MED14: variants seen among roughly 807,000 people sequenced by gnomAD.
MED14 encodes the protein mediator complex subunit 14.
MED14 carries 8 observed loss-of-function variants against 109.0 expected under a neutral mutation model. That is an observed-to-expected ratio of 0.07 (90% CI 0.04 to 0.13). The LOEUF (loss-of-function observed/expected upper bound fraction) is 0.13. Ranked by LOEUF, MED14 falls within the 10% of genes least tolerant of loss-of-function variation. The pLI is 1.00. For synonymous variants in MED14, 399 were observed against 408.7 expected, an observed-to-expected ratio of 0.98 and a Z score of 0.29; for missense variants, 711 against 1,142.4, an observed-to-expected ratio of 0.62 and a Z score of 5.44.
At chrX:40,657,545 T>C (rs1267383630) in intron 28 of MED14, among the ~76,000 whole-genome samples, 4 of 111,530 alleles carry the variant, frequency 3.6e-5, no homozygotes, top group Non-Finnish European at 1.9e-5. Flanking sequence ...CACTGACCCC[T>C]TGATTTAGGA....
intron 14 of MED14, 152 bp downstream of exon 14, chrX:40,692,556 T>G: frequency 1.7e-6 from 1 of 577,925 alleles, no homozygotes. Flanking sequence ...AGAAGCATTT[T>G]CAAGAAAATG....
At chrX:40,717,890 G>T (rs1569296980) in intron 3 of MED14, among the ~76,000 whole-genome samples, 1 of 112,180 alleles carries the variant, frequency 8.9e-6, no homozygotes, top group South Asian at 3.7e-4. Context: ...CAGGCTGTCA[G>T]TGGCCAACTT....
intron 16 of MED14, among the ~76,000 whole-genome samples, chrX:40,684,815 C>A (rs993339906): frequency 6.2e-5 from 7 of 112,233 alleles, no homozygotes; most frequent in Admixed American, 2.8e-4. Context: ...AGCCTCTTTT[C>A]CCATTTATGC....
At position 40,664,356 on chromosome X, in the gene MED14, T is replaced by C. The variant is rs1237673943; in HGVS notation, c.3399A>G (p.Ser1133=). ...RMPGMSPANP[S]LHSPVPDASH... is the part of the protein sequence containing the mutation. ...AAGCATCTGGAACCGGAGAATGTAG[T>C]GAGGGGTTGGCTGGTGACATTCCAG... The change falls in exon 25 of 31, where the codon TCA becomes TCG. Residue 1133 remains serine (S), a synonymous_variant. Coordinates refer to ENST00000324817, the MANE Select transcript of MED14 (RefSeq NM_004229.4). 1.7e-6 allele frequency: 2 copies of C among 1,203,940 alleles called. No homozygotes were observed. Among genetic ancestry groups the C allele is most frequent in the African/African-American group, 3.5e-5 (2 of 56,606 alleles).
intron 10 of MED14, 90 bp from the exon 11 acceptor site, chrX:40,703,659 A>G: frequency 1.4e-6 from 1 of 733,612 alleles, no homozygotes; most frequent in South Asian, 3.7e-5. Context: ...CAAACCAACT[A>G]TTGAAGGATC....
chrX:40,675,127 A>G, intron 22 of MED14, 94 bp downstream of exon 22: 1 of 862,991 alleles, frequency 1.2e-6, no homozygotes, highest in Non-Finnish European at 1.6e-6. Flanking sequence ...AGGCCCACCA[A>G]GGACCTCCTT....
intron 1 of MED14, among the ~76,000 whole-genome samples, chrX:40,730,268 G>A (rs1602498491): frequency 8.9e-6 from 1 of 112,385 alleles, no homozygotes; most frequent in African/African-American, 3.2e-5. Context: ...GGTAGACGGT[G>A]AGATGGAAGT....
At chrX:40,717,277 A>G (rs1931559294) in intron 3 of MED14, among the ~76,000 whole-genome samples, 1 of 106,570 alleles carries the variant, frequency 9.4e-6, no homozygotes, top group Non-Finnish European at 2.0e-5. Flanking sequence ...ATATCAATTG[A>G]AAAAAAAAAG....
chrX:40,735,696 A>T (rs904871866), upstream of MED14: 4 of 463,472 alleles, frequency 8.6e-6, no homozygotes, highest in African/African-American at 9.4e-5. Flanking sequence ...GCTCAGAAGC[A>T]GCTTCGCCAG....
At chrX:40,693,735 A>C (rs1301374687) in intron 13 of MED14, among the ~76,000 whole-genome samples, 1 of 111,308 alleles carries the variant, frequency 9.0e-6, no homozygotes, top group Non-Finnish European at 1.9e-5. Flanking sequence ...TCATACTTGG[A>C]AACATGTAAA....
chrX:40,693,349 C>T (rs761502784), intron 13 of MED14, among the ~76,000 whole-genome samples: 1 of 111,219 alleles, frequency 9.0e-6, no homozygotes, highest in Non-Finnish European at 1.9e-5. Context: ...ATCATGGGGG[C>T]GGGTCTTTCC....
At chrX:40,667,342 C>T (rs1336861349) in intron 23 of MED14, among the ~76,000 whole-genome samples, 1 of 111,752 alleles carries the variant, frequency 8.9e-6, no homozygotes, top group Non-Finnish European at 1.9e-5. Context: ...TCAGAAAAGA[C>T]CTCTCTAAGG....
intron 23 of MED14, among the ~76,000 whole-genome samples, chrX:40,669,082 C>G (rs1929628496): frequency 8.9e-6 from 1 of 111,892 alleles, no homozygotes; most frequent in East Asian, 2.8e-4. Context: ...GACAAGTGAC[C>G]TAACTTCCCC....
intron 10 of MED14, among the ~76,000 whole-genome samples, chrX:40,707,142 T>C (rs12558979): frequency 0.087 from 9,617 of 110,175 alleles, 816 homozygotes; most frequent in African/African-American, 0.25. Context: ...GATAGATAGA[T>C]AGATAGATAG....
At chrX:40,707,107 G>GGATAGATAGATAGATA (rs544581828) in intron 10 of MED14, among the ~76,000 whole-genome samples, 9 of 101,326 alleles carry the variant, frequency 8.9e-5, no homozygotes, top group African/African-American at 1.5e-4. Context: ...ATACATAGAT[G>GGATAGATAGATAGATA]GATAGATAGA....
rs1928821744 is a variant in MED14 at position 40,650,400 on chromosome X, T to C, written c.*1406A>G. Reference sequence around the variant, plus strand: ...ACTAGAATTTGATAGTTGATAGTTATAGAAGCTCAATTAAATCATCTTGAA... The same window carrying C: ...ACTAGAATTTGATAGTTGATAGTTACAGAAGCTCAATTAAATCATCTTGAA... On this transcript the variant is annotated 3_prime_UTR_variant, in exon 31 of 31. Transcript: ENST00000324817. 3 of 752,947 alleles carry C rather than the reference T, an allele frequency of 4.0e-6. No individual in the cohort carries two copies. The highest frequency in any genetic ancestry group is 4.7e-6 in the Non-Finnish European group (3 of 637,753). The allele number at this position is 752,947 out of a possible 1,213,427, so 62.1% of individuals were successfully genotyped here. A position where few individuals can be genotyped will look rare whatever the true frequency, so the allele number is the denominator to read the frequency against.
At chrX:40,662,351 C>T (rs1929314848) in intron 26 of MED14, among the ~76,000 whole-genome samples, 1 of 111,358 alleles carries the variant, frequency 9.0e-6, no homozygotes, top group South Asian at 3.8e-4. Context: ...CTGCCTCAAC[C>T]TCCCAAGTAG....
At chrX:40,712,384 ATTTTTTT>A in intron 6 of MED14, 91 bp from the exon 7 acceptor site, 1 of 548,671 alleles carries the variant, frequency 1.8e-6, no homozygotes. Flanking sequence ...ATAACAATGA[ATTTTTTT>A]AAAAAGCACT....
chrX:40,735,609 G>A (rs1369023480), upstream of MED14: 1 of 509,105 alleles, frequency 2.0e-6, no homozygotes, highest in Non-Finnish European at 3.5e-6. Context: ...CCAGGGACAG[G>A]AGCGAGGGGC....
Sources: gnomAD v4.1 joint callset for allele counts (sites outside exome capture counted in the v4.1 genomes callset) on GRCh38, gnomAD v4.1.1 for gene constraint, MANE v1.5 for transcripts, NCBI Gene and HGNC (gene_info 2026-07-23, HGNC 2026-07-21) for gene names.